The following CCDC110 variants were observed in gnomAD, a reference collection of about 807,000 sequenced individuals.
CCDC110 encodes the protein coiled-coil domain containing 110.
A neutral mutation model predicts 77.1 loss-of-function variants in CCDC110; 70 were observed. The observed-to-expected ratio is 0.91, with a 90% CI of 0.75 to 1.11. The LOEUF (loss-of-function observed/expected upper bound fraction) is 1.11, where lower values mean the gene tolerates loss of function less well. Ranked by LOEUF, CCDC110 falls within the 50% of genes least tolerant of loss-of-function variation. CCDC110 has a pLI of 0.00. For missense variants in CCDC110, 868 were observed against 942.9 expected (o/e 0.92, Z 1.04); for synonymous variants, 295 against 312.5 (o/e 0.94, Z 0.59).
At chr4:185,453,710 A>C (rs548959244) in intron 6 of CCDC110, among the ~76,000 whole-genome samples, 8 of 151,992 alleles carry the variant, frequency 5.3e-5, no homozygotes, top group African/African-American at 1.7e-4. Context: ...ACACCTGGCT[A>C]ATTTTTCAAA....
rs2153312242 is a variant in CCDC110, at chr4:185,445,249, T to A, written c.*253A>T. 1.1e-6 allele frequency: 1 copy of A among 921,986 alleles called. No homozygotes were observed. The highest frequency in any genetic ancestry group is 2.6e-5 in the East Asian group (1 of 37,740). 57.1% of individuals were successfully genotyped at this position (921,986 alleles called of 1,614,324 possible). On this transcript the variant is annotated 3_prime_UTR_variant, in exon 7 of 7. Transcript: ENST00000307588. Reference sequence around the variant, plus strand: ...TTTTTAAATGACAAATGTGGGTGACTTTAGACATCTCAGCTCCTTCCATGT... The same window carrying A: ...TTTTTAAATGACAAATGTGGGTGACATTAGACATCTCAGCTCCTTCCATGT...
chr4:185,448,692 G>A (rs992263972), intron 6 of CCDC110, among the ~76,000 whole-genome samples: 2 of 152,058 alleles, frequency 1.3e-5, no homozygotes, highest in Admixed American at 1.3e-4. Context: ...GCCACCTATC[G>A]CTACTCTGCC....
At chr4:185,466,201 C>G (rs2153324088) in intron 2 of CCDC110, among the ~76,000 whole-genome samples, 1 of 152,136 alleles carries the variant, frequency 6.6e-6, no homozygotes, top group Middle Eastern at 3.4e-3. Context: ...TGGTGAAACC[C>G]TGTCTCTACT....
chr4:185,471,633 C>T, intron 1 of CCDC110, 41 bp downstream of exon 1: 2 of 1,551,422 alleles, frequency 1.3e-6, no homozygotes, highest in Non-Finnish European at 1.7e-6. Flanking sequence ...GCCCTCCGTT[C>T]CCGCGGCTCC....
Position 185,459,570 on chromosome 4 carries a change from T to A in CCDC110, c.1017A>T (p.Lys339Asn). 2 of 1,613,340 alleles carry A rather than the reference T, an allele frequency of 1.2e-6. No homozygotes were observed. Among genetic ancestry groups the A allele is most frequent in the Non-Finnish European group, 1.7e-6 (2 of 1,179,736 alleles). ...TTTCACTCTTAGATAACTTTTTACA[T>A]TTTCTACAAAAATGCACATGGAATT... ...VSKFHVHFCR[K>N]CKKLSKSEMH... is the part of the protein sequence containing the mutation. Residue 339 changes from lysine (K) to asparagine (N), a missense_variant, in exon 6 of 7, where the codon AAA becomes AAT. Coordinates refer to ENST00000307588, the MANE Select transcript of CCDC110 (RefSeq NM_152775.4).
At chr4:185,463,127 C>T in intron 2 of CCDC110, 78 bp from the exon 3 acceptor site, 1 of 1,079,170 alleles carries the variant, frequency 9.3e-7, no homozygotes, top group Non-Finnish European at 1.4e-6. Flanking sequence ...AAAGCAGTCT[C>T]CTAACTTGCT....
Position 185,458,239 on chromosome 4 carries a change from T to G in CCDC110, c.2348A>C (p.Asn783Thr), listed in dbSNP as rs1474611809. The stretch of plus-strand genomic sequence containing the variant: ...AATGTAAGTTGTTTTTGAAGGGTCA[T>G]TATGCTGATTACAAATTTTATCACT... The part of the protein sequence containing the change: ...SLSDKICNQH[N>T]DPSKTTYISR... Residue 783 changes from asparagine (N) to threonine (T), a missense_variant, in exon 6 of 7, where the codon AAT becomes ACT. Transcript: ENST00000307588. 6.2e-7 allele frequency: 1 copy of G among 1,602,730 alleles called. No individual in the cohort carries two copies. The highest frequency in any genetic ancestry group is 1.3e-5 in the African/African-American group (1 of 74,450).
At chr4:185,450,760 T>A (rs1182998948) in intron 6 of CCDC110, among the ~76,000 whole-genome samples, 2 of 109,582 alleles carry the variant, frequency 1.8e-5, no homozygotes, top group Admixed American at 1.8e-4. Context: ...AAAAAAAAAA[T>A]CTGCTCTTAA....
In CCDC110 at chr4:185,445,538, A is replaced by G; in HGVS notation, c.2466T>C (p.Tyr822=). 1 of 1,554,682 alleles carries G rather than the reference A, an allele frequency of 6.4e-7. No homozygotes were observed. The highest frequency in any genetic ancestry group is 8.8e-7 in the Non-Finnish European group (1 of 1,133,224). Residue 822 remains tyrosine, a synonymous_variant, in exon 7 of 7, where the codon TAT becomes TAC. Coordinates refer to ENST00000307588, the MANE Select transcript of CCDC110 (RefSeq NM_152775.4). ...SRPLASDLKG[Y]FKVKDRTLKH... is the part of the protein sequence containing the mutation. ...TGAGAGTTCTGTCTTTAACTTTGAA[A>G]TAACCTATGAAAATAGAAAATATTC...
rs77141194 is a variant in CCDC110 at position 185,452,252 on chromosome 4, C to G, written c.2461+5874G>C. 1.6e-3 allele frequency: 1,544 copies of G among 985,374 alleles called. 17 individuals carry two copies. The African/African-American group carries it at 0.025, about 16-fold the overall frequency. The allele number at this position is 985,374 out of a possible 1,614,324, so 61.0% of individuals were successfully genotyped here. A position where few individuals can be genotyped will look rare whatever the true frequency, so the allele number is the denominator to read the frequency against. ...AGTTATCTACTCTCCTGTTATGATG[C>G]CTGTATGACTTGGGTAGTTTTCTGC... On this transcript the variant is annotated intron_variant, in intron 6 of 6. Transcript: ENST00000307588.
rs1330040677 is a variant in CCDC110 at position 185,460,068 on chromosome 4, T to C, written c.519A>G (p.Arg173=). The C allele has an allele frequency of 6.2e-7, 1 of 1,613,866 alleles. No individual in the cohort carries two copies. Among genetic ancestry groups the C allele is most frequent in the South Asian group, 1.1e-5 (1 of 91,068 alleles). The part of the protein sequence containing the change: ...QIHSEDTLTL[R]TSTDNLSSNI... ...TTGAAGATAAATTGTCTGTTGAAGT[T>C]CTCAGAGTTAATGTGTCCTCGGAAT... Residue 173 remains arginine, a synonymous_variant, in exon 6 of 7, where the codon AGA becomes AGG. Coordinates refer to ENST00000307588, the MANE Select transcript of CCDC110 (RefSeq NM_152775.4).
In CCDC110 at chr4:185,471,057, A is replaced by T; in HGVS notation, c.11-8T>A. On this transcript the variant is annotated splice_polypyrimidine_tract_variant and splice_region_variant and intron_variant, in intron 1 of 6. Transcript: ENST00000307588. Reference sequence around the variant, plus strand: ...CTTCCCGGTGCTGCTTTTCTGTAACAGAACCGTCCGGGGCTGTTCTGTCGC... The same window carrying T: ...CTTCCCGGTGCTGCTTTTCTGTAACTGAACCGTCCGGGGCTGTTCTGTCGC... 6.7e-7 allele frequency: 1 copy of T among 1,482,762 alleles called. No individual in the cohort carries two copies. Among genetic ancestry groups the T allele is most frequent in the South Asian group, 1.1e-5 (1 of 88,316 alleles). 91.9% of individuals were successfully genotyped at this position (1,482,762 alleles called of 1,614,324 possible). A position where few individuals can be genotyped will look rare whatever the true frequency, so the allele number is the denominator to read the frequency against.
intron 4 of CCDC110, among the ~76,000 whole-genome samples, chr4:185,461,817 G>A (rs992248169): frequency 6.6e-6 from 1 of 152,190 alleles, no homozygotes; most frequent in African/African-American, 2.4e-5. Context: ...GCAAAGTGTA[G>A]CCGGGTGCGG....
At chr4:185,470,609 C>A in intron 2 of CCDC110, 1 of 485,300 alleles carries the variant, frequency 2.1e-6, no homozygotes, top group Non-Finnish European at 4.0e-6. Flanking sequence ...CGGAGCGTAG[C>A]GTGGTGGTGA....
intron 6 of CCDC110, among the ~76,000 whole-genome samples, chr4:185,451,834 G>A (rs1241950359): frequency 1.3e-5 from 2 of 152,032 alleles, no homozygotes; most frequent in Non-Finnish European, 2.9e-5. Context: ...TTATTAATGT[G>A]CCTTTTTAAG....
At chr4:185,471,481 T>G in intron 1 of CCDC110, 193 bp downstream of exon 1, 1 of 570,342 alleles carries the variant, frequency 1.8e-6, no homozygotes, top group Non-Finnish European at 2.9e-6. Flanking sequence ...GTAGCCAGCC[T>G]GTAAGCCACA....
chr4:185,461,024 A>ATTTTTTTTTTTTTTT (rs2095645322), intron 5 of CCDC110, 25 bp downstream of exon 5: 1 of 1,090,888 alleles, frequency 9.2e-7, no homozygotes, highest in Non-Finnish European at 1.3e-6. Flanking sequence ...CTACATATAG[A>ATTTTTTTTTTTTTTT]AATGATTTCT....
chr4:185,467,507 A>G (rs1196914388), intron 2 of CCDC110, among the ~76,000 whole-genome samples: 1 of 152,356 alleles, frequency 6.6e-6, no homozygotes, highest in East Asian at 1.9e-4. Context: ...CGGGAGGCAC[A>G]TAAACAAAGC....
chr4:185,462,870 C>A, intron 3 of CCDC110, 124 bp downstream of exon 3: 2 of 1,038,288 alleles, frequency 1.9e-6, no homozygotes, highest in South Asian at 1.4e-5. Context: ...CCCCAATGTG[C>A]TTTCATGGAG....
Sources: allele counts gnomAD v4.1 joint callset (sites outside exome capture counted in the v4.1 genomes callset), GRCh38; gene constraint gnomAD v4.1.1; transcripts MANE v1.5; gene names NCBI Gene and HGNC (gene_info 2026-07-23, HGNC 2026-07-21).